SNTB2: variants seen among roughly 807,000 people sequenced by gnomAD.
SNTB2 encodes the protein syntrophin beta 2, also known as beta-2-syntrophin.
A neutral mutation model predicts 46.2 loss-of-function variants in SNTB2; 34 were observed. The observed-to-expected ratio is 0.74, with a 90% CI of 0.56 to 0.98. The LOEUF is 0.98. Ranked by LOEUF, SNTB2 falls within the 50% of genes least tolerant of loss-of-function variation. The pLI is 0.00. For missense variants in SNTB2, 603 were observed against 731.4 expected, an observed-to-expected ratio of 0.82 and a Z score of 2.02; for synonymous variants, 290 against 312.6, an observed-to-expected ratio of 0.93 and a Z score of 0.76.
intron 5 of SNTB2, among the ~76,000 whole-genome samples, chr16:69,288,914 T>C (rs1459603476): frequency 6.6e-6 from 1 of 152,108 alleles, no homozygotes; most frequent in Non-Finnish European, 1.5e-5. Flanking sequence ...TGGAGGTCAT[T>C]ATGTTAAGTG....
At chr16:69,284,271 G>A (rs1177992734) in intron 5 of SNTB2, 27 bp downstream of exon 5, 2 of 1,564,564 alleles carry the variant, frequency 1.3e-6, no homozygotes, top group East Asian at 2.3e-5. Context: ...TTTATTTCTA[G>A]TAGTAATTAA....
chr16:69,232,135 C>G (rs1964511645), intron 1 of SNTB2, among the ~76,000 whole-genome samples: 1 of 151,200 alleles, frequency 6.6e-6, no homozygotes, highest in Non-Finnish European at 1.5e-5. Context: ...TCGATGAGGC[C>G]TAAAAAATAC....
intron 5 of SNTB2, among the ~76,000 whole-genome samples, chr16:69,299,311 T>G (rs1008692627): frequency 6.6e-6 from 1 of 151,812 alleles, no homozygotes; most frequent in Non-Finnish European, 1.5e-5. Context: ...CCCAGCTAAT[T>G]TTTATATTTT....
chr16:69,270,056 C>T (rs1030850457), intron 3 of SNTB2, 87 bp from the exon 4 acceptor site: 9 of 1,468,202 alleles, frequency 6.1e-6, no homozygotes, highest in Non-Finnish European at 8.5e-6. Context: ...AAAATGGAGA[C>T]CCATTGTGTT....
intron 4 of SNTB2, among the ~76,000 whole-genome samples, chr16:69,278,802 G>C (rs115257717): frequency 0.021 from 3,195 of 152,062 alleles, 113 homozygotes; most frequent in African/African-American, 0.072. Context: ...CCATCTTTTT[G>C]GGGGAGGGGG....
At chr16:69,278,354 ATAGAT>A (rs1226954559) in intron 4 of SNTB2, among the ~76,000 whole-genome samples, 3 of 152,236 alleles carry the variant, frequency 2.0e-5, no homozygotes, top group East Asian at 3.9e-4. Flanking sequence ...TAAAAAGTGA[ATAGAT>A]TAAACTGTAA....
chr16:69,243,645 T>A (rs995196212), intron 1 of SNTB2, among the ~76,000 whole-genome samples: 6 of 152,214 alleles, frequency 3.9e-5, no homozygotes, highest in African/African-American at 1.4e-4. Flanking sequence ...CCTCTGCCAT[T>A]TGCAGTAACT....
rs1298689638 is a variant in SNTB2, at chr16:69,292,407, T to A, written c.1346-7183T>A. Among the ~76,000 whole-genome samples the A allele has an allele frequency of 9.6e-4, 12 of 12,462 alleles. 3 individuals carry two copies. The highest frequency in any genetic ancestry group is 3.9e-3 in the African/African-American group (7 of 1,806). 8.2% of individuals were successfully genotyped at this position (12,462 alleles called of 152,430 possible). On this transcript the variant is annotated intron_variant, in intron 5 of 6. Transcript: ENST00000336278. ...TATATATATTATATATATATATATA[T>A]TATATATATATTATATATATATATA...
In SNTB2 at chr16:69,187,385, C is replaced by A. The variant is rs1303048702; in HGVS notation, c.219C>A (p.Leu73=). ...CCGCGGCCGCCGCCTTCAACGGCCT[C>A]CCAAACGGCGGCGGCGCGGGCGACT... is the stretch of plus-strand genomic sequence containing the variant. ...LGPAAAAFNG[L]PNGGGAGDSL... Residue 73 remains leucine, a synonymous_variant, in exon 1 of 7, where the codon CTC becomes CTA. Coordinates refer to ENST00000336278, the MANE Select transcript of SNTB2 (RefSeq NM_006750.4). 1 of 1,314,840 alleles carries A rather than the reference C, an allele frequency of 7.6e-7. No homozygotes were observed. Among genetic ancestry groups the A allele is most frequent in the South Asian group, 2.1e-5 (1 of 47,910 alleles). 81.4% of individuals were successfully genotyped at this position (1,314,840 alleles called of 1,614,324 possible).
chr16:69,281,688 C>T (rs965007239), intron 4 of SNTB2, among the ~76,000 whole-genome samples: 4 of 151,318 alleles, frequency 2.6e-5, no homozygotes, highest in Admixed American at 6.6e-5. Context: ...ACTAAAAATA[C>T]AAAAATTAGC....
intron 2 of SNTB2, among the ~76,000 whole-genome samples, chr16:69,259,784 T>C (rs115562501): frequency 0.023 from 3,461 of 150,110 alleles, 132 homozygotes; most frequent in African/African-American, 0.08. Flanking sequence ...TAATTTTTTA[T>C]ATATTAGCAG....
intron 5 of SNTB2, among the ~76,000 whole-genome samples, chr16:69,298,645 C>T (rs1965249529): frequency 6.6e-6 from 1 of 151,562 alleles, no homozygotes; most frequent in African/African-American, 2.4e-5. Flanking sequence ...CCTCAGCCTC[C>T]CAAGTAGCTG....
At chr16:69,255,509 G>A (rs977497333) in intron 2 of SNTB2, among the ~76,000 whole-genome samples, 3 of 150,974 alleles carry the variant, frequency 2.0e-5, no homozygotes, top group Non-Finnish European at 2.9e-5. Flanking sequence ...GCAGTGAGCC[G>A]AGATCACGAC....
Position 69,187,675 on chromosome 16 carries a change from A to G in SNTB2, c.509A>G (p.Asp170Gly). 2 of 1,509,304 alleles carry G rather than the reference A, an allele frequency of 1.3e-6. No homozygotes were observed. Among genetic ancestry groups the G allele is most frequent in the South Asian group, 1.2e-5 (1 of 83,212 alleles). 93.5% of individuals were successfully genotyped at this position (1,509,304 alleles called of 1,614,324 possible). Residue 170 changes from aspartate (D) to glycine (G), a missense_variant, in exon 1 of 7, where the codon GAC becomes GGC. Asp to Gly is a moderately conservative substitution (Grantham distance 94). Transcript: ENST00000336278. ...GCCATCCTGTCGGTGAACGGCACCGACCTGCGCCAGGCCACCCACGACCAG... is the reference window on the plus strand; with the variant it reads ...GCCATCCTGTCGGTGAACGGCACCGGCCTGCGCCAGGCCACCCACGACCAG... ...GDAILSVNGT[D>G]LRQATHDQAV...
At chr16:69,281,485 G>GTT (rs575825315) in intron 4 of SNTB2, among the ~76,000 whole-genome samples, 17,937 of 135,746 alleles carry the variant, frequency 0.13, 1,251 homozygotes, top group Middle Eastern at 0.21. Flanking sequence ...GTAAGGTCTG[G>GTT]TTTTTTTTTT....
intron 1 of SNTB2, among the ~76,000 whole-genome samples, chr16:69,227,158 A>G (rs2152294406): frequency 6.6e-6 from 1 of 152,354 alleles, no homozygotes; most frequent in Non-Finnish European, 1.5e-5. Context: ...TACTCATGCC[A>G]GAAATATTTC....
chr16:69,224,709 G>A (rs544043039), intron 1 of SNTB2, among the ~76,000 whole-genome samples: 1 of 152,156 alleles, frequency 6.6e-6, no homozygotes, highest in East Asian at 1.9e-4. Flanking sequence ...GAAAGAGCTG[G>A]CCCTTCTCCT....
chr16:69,267,586 TC>T (rs1303238108), intron 3 of SNTB2, among the ~76,000 whole-genome samples: 2 of 152,254 alleles, frequency 1.3e-5, no homozygotes, highest in Non-Finnish European at 2.9e-5. Context: ...CATAATTCTT[TC>T]TACAGTATTT....
chr16:69,202,606 C>T (rs999156154), intron 1 of SNTB2, among the ~76,000 whole-genome samples: 2 of 151,968 alleles, frequency 1.3e-5, no homozygotes, highest in African/African-American at 4.8e-5. Flanking sequence ...GACGACGTCT[C>T]GCTCTGTCTC....
Sources: gnomAD v4.1 joint callset for allele counts (sites outside exome capture counted in the v4.1 genomes callset) on GRCh38, gnomAD v4.1.1 for gene constraint, MANE v1.5 for transcripts, NCBI Gene and HGNC (gene_info 2026-07-23, HGNC 2026-07-21) for gene names.